The following MSANTD1 variants were observed in gnomAD, a reference collection of about 807,000 sequenced individuals.
MSANTD1 encodes Myb/SANT DNA binding domain containing 1.
In MSANTD1, 7 loss-of-function variants were observed where a neutral mutation model predicts 24.2. The observed-to-expected ratio is 0.29, with a 90% CI of 0.16 to 0.54. The LOEUF (loss-of-function observed/expected upper bound fraction) is 0.54, where lower values mean the gene tolerates loss of function less well. Among genes scored for constraint, MSANTD1 ranks in the 20% least tolerant of loss-of-function variants. The pLI is 0.94. For synonymous variants in MSANTD1, 177 were observed against 181.1 expected, an observed-to-expected ratio of 0.98 and a Z score of 0.18; for missense variants, 384 against 408.2, an observed-to-expected ratio of 0.94 and a Z score of 0.51.
chr4:3,247,250 C>G (rs1391486458), upstream of MSANTD1, among the ~76,000 whole-genome samples: 1 of 152,134 alleles, frequency 6.6e-6, no homozygotes, highest in Admixed American at 6.5e-5. Flanking sequence ...GGTGAGGAAA[C>G]AGGTTAGTGG....
intron 1 of MSANTD1, among the ~76,000 whole-genome samples, chr4:3,251,970 C>G (rs1722243649): frequency 6.6e-6 from 1 of 152,216 alleles, no homozygotes; most frequent in Non-Finnish European, 1.5e-5. Context: ...TGGGCAGCAT[C>G]CCCTGCTCAC....
In MSANTD1 at chr4:3,249,436, G is replaced by A. The variant is rs147478539; in HGVS notation, c.214G>A (p.Ala72Thr). 4 of 1,610,168 alleles carry A rather than the reference G, an allele frequency of 2.5e-6. No individual in the cohort carries two copies. The highest frequency in any genetic ancestry group is 2.2e-5 in the East Asian group (1 of 44,780). Residue 72 changes from alanine (A) to threonine (T), a missense_variant, in exon 1 of 3, where the codon GCC becomes ACC. Coordinates refer to ENST00000438480, the MANE Select transcript of MSANTD1 (RefSeq NM_001042690.2). Reference protein sequence around the residue: ...FDELKQTKRNAKVYEKMASKL... With the variant: ...FDELKQTKRNTKVYEKMASKL... Reference sequence around the variant, plus strand: ...CGAGCTCAAGCAGACCAAGCGCAACGCCAAGGTGTACGAGAAGATGGCCAG... The same window carrying A: ...CGAGCTCAAGCAGACCAAGCGCAACACCAAGGTGTACGAGAAGATGGCCAG...
intron 2 of MSANTD1, among the ~76,000 whole-genome samples, chr4:3,255,019 C>G (rs1468930631): frequency 6.6e-6 from 1 of 152,132 alleles, no homozygotes; most frequent in Non-Finnish European, 1.5e-5. Context: ...TGGGGGTGGT[C>G]TCTCCACCCC....
upstream of MSANTD1, among the ~76,000 whole-genome samples, chr4:3,246,854 G>A (rs1271505761): frequency 6.6e-6 from 1 of 152,214 alleles, no homozygotes. Flanking sequence ...TGTGCACTGA[G>A]CCTGGGAAGA....
At chr4:3,252,042 G>A (rs892850636) in intron 1 of MSANTD1, among the ~76,000 whole-genome samples, 1 of 152,224 alleles carries the variant, frequency 6.6e-6, no homozygotes, top group Non-Finnish European at 1.5e-5. Context: ...TGTTTCCAAC[G>A]GCCAATGGCC....
At position 3,255,172 on chromosome 4, in the gene MSANTD1, T is replaced by C. The variant is rs117267520; in HGVS notation, c.597-553T>C. Among the ~76,000 whole-genome samples, 153 of 152,174 alleles carry C rather than the reference T, an allele frequency of 1.0e-3. 1 individual carries two copies. In the East Asian group the frequency reaches 0.025, roughly 25 times the overall value. ...GTGGATTGTCCTGGGACCCTGGTCA[T>C]TGGGGTCATCCGCTAGTCGCAAAGG... On this transcript the variant is annotated intron_variant, in intron 2 of 2. Transcript: ENST00000438480.
At chr4:3,255,327 G>A (rs1214322199) in intron 2 of MSANTD1, among the ~76,000 whole-genome samples, 4 of 151,400 alleles carry the variant, frequency 2.6e-5, no homozygotes, top group Admixed American at 1.3e-4. Flanking sequence ...GGGTTCAAGC[G>A]ATTCTCCTGC....
rs1410195571 is a variant in MSANTD1 at position 3,249,297 on chromosome 4, G to A, written c.75G>A (p.Ala25=). The change falls in exon 1 of 3, where the codon GCG becomes GCA. Residue 25 remains alanine, a synonymous_variant. Coordinates refer to ENST00000438480, the MANE Select transcript of MSANTD1 (RefSeq NM_001042690.2). The part of the protein sequence containing the change: ...SHPTGASGMA[A]AEGPGYLVSP... ...CCACAGGCGCCTCCGGCATGGCGGCGGCCGAGGGGCCCGGCTACCTCGTGT... is the reference window on the plus strand; with the variant it reads ...CCACAGGCGCCTCCGGCATGGCGGCAGCCGAGGGGCCCGGCTACCTCGTGT... The A allele has an allele frequency of 1.1e-5, 17 of 1,531,918 alleles. No individual in the cohort carries two copies. The highest frequency in any genetic ancestry group is 4.9e-5 in the East Asian group (2 of 40,520). The allele number at this position is 1,531,918 out of a possible 1,614,324, so 94.9% of individuals were successfully genotyped here. A position where few individuals can be genotyped will look rare whatever the true frequency, so the allele number is the denominator to read the frequency against.
At chr4:3,253,079 G>T in intron 1 of MSANTD1, 128 bp from the exon 2 acceptor site, 1 of 928,732 alleles carries the variant, frequency 1.1e-6, no homozygotes, top group Non-Finnish European at 1.6e-6. Flanking sequence ...TTTTGCTGGG[G>T]AGGCCCTTGC....
chr4:3,250,547 TG>T (rs1490359317), intron 1 of MSANTD1, among the ~76,000 whole-genome samples: 1 of 151,840 alleles, frequency 6.6e-6, no homozygotes, highest in Admixed American at 6.6e-5. Flanking sequence ...GTCACAGGTG[TG>T]GGGTGATGGT....
upstream of MSANTD1, chr4:3,246,635 A>G: frequency 1.4e-6 from 1 of 696,404 alleles, no homozygotes; most frequent in South Asian, 1.5e-5. Flanking sequence ...CCCCGTAGCG[A>G]CTGAGGGTCC....
rs1227245602 is a variant in MSANTD1, at chr4:3,249,265, T to TCTCACCCC, written c.44_51dup (p.Thr18LeufsTer71). On this transcript the variant is annotated frameshift_variant, in exon 1 of 3. Transcript: ENST00000438480. LOFTEE classifies it high-confidence loss of function. ...GCCGGGGCCCTCGCTGAGCGCGCTCTCTCACCCCACAGGCGCCTCCGGCAT... is the reference window on the plus strand; with the variant it reads ...GCCGGGGCCCTCGCTGAGCGCGCTCTCTCACCCCCTCACCCCACAGGCGCCTCCGGCAT... The TCTCACCCC allele has an allele frequency of 2.9e-5, 44 of 1,496,064 alleles. 1 individual carries two copies. In the East Asian group the frequency reaches 1.1e-3, roughly 36 times the overall value. The allele number at this position is 1,496,064 out of a possible 1,614,324, so 92.7% of individuals were successfully genotyped here.
upstream of MSANTD1, among the ~76,000 whole-genome samples, chr4:3,247,027 G>C (rs1321288660): frequency 6.6e-6 from 1 of 152,134 alleles, no homozygotes; most frequent in Non-Finnish European, 1.5e-5. Context: ...GGGGGCCCCC[G>C]GCAGTGGTGG....
At chr4:3,250,974 T>G (rs1722208601) in intron 1 of MSANTD1, among the ~76,000 whole-genome samples, 1 of 152,208 alleles carries the variant, frequency 6.6e-6, no homozygotes, top group African/African-American at 2.4e-5. Context: ...TTTCTGAGCC[T>G]TGAAGGAGGG....
At chr4:3,250,632 G>C (rs76782123) in intron 1 of MSANTD1, among the ~76,000 whole-genome samples, 2,818 of 152,318 alleles carry the variant, frequency 0.019, 93 homozygotes, top group African/African-American at 0.064. Context: ...GAGAATGGCA[G>C]CAGAGAGCAC....
chr4:3,249,141 A>T, upstream of MSANTD1: 4 of 1,251,524 alleles, frequency 3.2e-6, no homozygotes, highest in Non-Finnish European at 4.1e-6. Context: ...AAAGCTTTTA[A>T]CTAAATTCCT....
chr4:3,247,504 A>G (rs1235585084), upstream of MSANTD1: 2 of 152,150 alleles, frequency 1.3e-5, no homozygotes, highest in African/African-American at 4.8e-5. Flanking sequence ...TAGGCCTTCT[A>G]GTCACTCCTT....
chr4:3,253,346 T>A lies in MSANTD1; in HGVS notation c.460T>A (p.Ser154Thr), dbSNP rs761660956. Residue 154 changes from serine to threonine, a missense_variant, in exon 2 of 3, where the codon TCC becomes ACC. Ser to Thr is a moderately conservative substitution (Grantham distance 58). Coordinates refer to ENST00000438480, the MANE Select transcript of MSANTD1 (RefSeq NM_001042690.2). The stretch of plus-strand genomic sequence containing the variant: ...CAGCCAGCCGCCGGGGCCCTCCACG[T>A]CCCAGACCGAGGCGTCCCTGTCGCC... Reference protein sequence around the residue: ...PDSQPPGPSTSQTEASLSPPA... With the variant: ...PDSQPPGPSTTQTEASLSPPA... The A allele has an allele frequency of 1.9e-6, 3 of 1,611,018 alleles. No homozygotes were observed. Among genetic ancestry groups the A allele is most frequent in the Non-Finnish European group, 2.5e-6 (3 of 1,178,822 alleles).
In MSANTD1 at chr4:3,255,865, G is replaced by T; in HGVS notation, c.737G>T (p.Arg246Leu). The change falls in exon 3 of 3, where the codon CGC becomes CTC. Residue 246 changes from arginine to leucine, a missense_variant. Coordinates refer to ENST00000438480, the MANE Select transcript of MSANTD1 (RefSeq NM_001042690.2). ...AVEETCREVR[R>L]VLDQQHILQV... ...GAGGAGACCTGCCGCGAGGTGCGCC[G>T]CGTGCTGGACCAGCAGCACATCCTG... 1 of 1,545,372 alleles carries T rather than the reference G, an allele frequency of 6.5e-7. No individual in the cohort carries two copies.
Sources: allele counts gnomAD v4.1 joint callset (sites outside exome capture counted in the v4.1 genomes callset), GRCh38; gene constraint gnomAD v4.1.1; transcripts MANE v1.5; gene names NCBI Gene and HGNC (gene_info 2026-07-23, HGNC 2026-07-21).